Variants in PUDP observed in about 807,000 individuals in gnomAD.
PUDP encodes pseudouridine 5'-phosphatase.
Under a neutral mutation model 9.4 loss-of-function variants are expected in PUDP, and 8 were observed. The observed-to-expected ratio is 0.85, with a 90% CI of 0.50 to 1.53. The LOEUF (loss-of-function observed/expected upper bound fraction) is 1.53. Ranked by LOEUF, PUDP falls within the 40% of genes most tolerant of loss-of-function variation. PUDP has a pLI of 0.00. For synonymous variants in PUDP, 99 were observed against 80.7 expected (o/e 1.23, Z -1.22); for missense variants, 188 against 189.7 (o/e 0.99, Z 0.05).
intron 1 of PUDP, among the ~76,000 whole-genome samples, chrX:6,989,016 T>A: frequency 8.9e-6 from 1 of 111,967 alleles, no homozygotes; most frequent in Non-Finnish European, 1.9e-5. Context: ...TAACTCTTAG[T>A]TAACACTTTC....
chrX:6,843,277 C>T (rs967359602), intron 3 of PUDP, among the ~76,000 whole-genome samples: 1 of 111,646 alleles, frequency 9.0e-6, no homozygotes, highest in Non-Finnish European at 1.9e-5. Flanking sequence ...AGACATAATT[C>T]TGCGTCTCCT....
At chrX:7,087,757 C>G (rs1374427379) in intron 2 of PUDP, among the ~76,000 whole-genome samples, 1 of 112,126 alleles carries the variant, frequency 8.9e-6, no homozygotes, top group East Asian at 2.8e-4. Context: ...CAAACAGTTG[C>G]AAGAGTCCAG....
At position 7,022,912 on chromosome X, in the gene PUDP, G is replaced by GT. The variant is rs1306410544; in HGVS notation, c.205-44570dup. On this transcript the variant is annotated intron_variant and NMD_transcript_variant, in intron 1 of 3. Coordinates refer to the PUDP transcript ENST00000655425. ...CCCTGAGAGCCAGGAAACTAACAAG[G>GT]TGAACACCATGTTTGACACAGCTGA... 2.7e-5 allele frequency among the ~76,000 whole-genome samples: 3 copies of GT among 111,601 alleles called. No individual in the cohort carries two copies. The East Asian group carries it at 8.4e-4, about 31-fold the overall frequency.
intron 1 of PUDP, among the ~76,000 whole-genome samples, chrX:7,115,454 G>T (rs886478970): frequency 8.9e-6 from 1 of 112,143 alleles, no homozygotes; most frequent in Non-Finnish European, 1.9e-5. Flanking sequence ...CTTTATGAAA[G>T]ATATTGGAAA....
chrX:6,717,076 A>C (rs1378037227), intron 1 of PUDP, among the ~76,000 whole-genome samples: 1 of 111,701 alleles, frequency 9.0e-6, no homozygotes, highest in East Asian at 2.8e-4. Flanking sequence ...GCCAGAATAT[A>C]TTAAATCTTA....
chrX:7,114,064 CTTTT>C (rs869134031), intron 1 of PUDP, among the ~76,000 whole-genome samples: 6 of 56,786 alleles, frequency 1.1e-4, no homozygotes, highest in East Asian at 4.9e-4. Context: ...CTCTCTCTCT[CTTTT>C]TCTTTTTTTC....
intron 3 of PUDP, among the ~76,000 whole-genome samples, chrX:6,778,105 G>A (rs988530797): frequency 2.7e-5 from 3 of 111,981 alleles, no homozygotes; most frequent in East Asian, 2.8e-4. Flanking sequence ...GTTTTAATGA[G>A]GGAAAATGAG....
At chrX:7,046,844 T>C (rs1929988983), downstream of PUDP, among the ~76,000 whole-genome samples, 2 of 112,264 alleles carry the variant, frequency 1.8e-5, no homozygotes. Context: ...ATACATTTTG[T>C]CCCCTAGAGA....
At chrX:6,710,010 C>A (rs1602595496) in intron 1 of PUDP, among the ~76,000 whole-genome samples, 1 of 111,406 alleles carries the variant, frequency 9.0e-6, no homozygotes, top group Non-Finnish European at 1.9e-5. Flanking sequence ...GTAATCTCAG[C>A]TACTCACAAG....
upstream of PUDP, among the ~76,000 whole-genome samples, chrX:6,723,394 C>T (rs1211796184): frequency 2.5e-5 from 2 of 79,034 alleles, no homozygotes; most frequent in African/African-American, 1.0e-4. Flanking sequence ...ATGACCGTGT[C>T]ACTGCAGTCC....
chrX:6,752,167 C>A (rs1253306159), intron 3 of PUDP, among the ~76,000 whole-genome samples: 1 of 111,878 alleles, frequency 8.9e-6, no homozygotes, highest in Non-Finnish European at 1.9e-5. Context: ...ACTTCAAATT[C>A]TCTCTCCTTT....
At chrX:6,989,415 G>A (rs752735381) in intron 1 of PUDP, 10 of 154,337 alleles carry the variant, frequency 6.5e-5, no homozygotes, top group Admixed American at 4.6e-4. Flanking sequence ...CCAAGACCCA[G>A]GATAAGGAAG....
chrX:7,075,673 G>A (rs1930874976), intron 3 of PUDP, among the ~76,000 whole-genome samples: 1 of 111,422 alleles, frequency 9.0e-6, no homozygotes, highest in African/African-American at 3.3e-5. Context: ...GGGGCCTGGG[G>A]AGCTTTGAGT....
chrX:7,054,033 C>T (rs966204786), intron 3 of PUDP, among the ~76,000 whole-genome samples: 3 of 112,097 alleles, frequency 2.7e-5, no homozygotes, highest in Non-Finnish European at 1.9e-5. Context: ...AGACAAATGT[C>T]GTACATAAAG....
intron 1 of PUDP, among the ~76,000 whole-genome samples, chrX:7,114,951 T>C (rs1932155506): frequency 8.9e-6 from 1 of 112,389 alleles, no homozygotes; most frequent in Non-Finnish European, 1.9e-5. Context: ...ATCAGACTTA[T>C]GTTAATGTGT....
intron 3 of PUDP, among the ~76,000 whole-genome samples, chrX:7,055,371 C>T (rs984589615): frequency 9.0e-6 from 1 of 111,182 alleles, no homozygotes; most frequent in Non-Finnish European, 1.9e-5. Context: ...CCTGCCTCAG[C>T]CTCTCGAGTA....
chrX:6,980,677 A>AC (rs953626956), intron 1 of PUDP, among the ~76,000 whole-genome samples: 3 of 111,014 alleles, frequency 2.7e-5, no homozygotes, highest in Non-Finnish European at 5.7e-5. Context: ...AAAAAAAAAA[A>AC]AACAACAAGA....
chrX:6,884,667 C>T (rs139456379), intron 3 of PUDP, among the ~76,000 whole-genome samples: 4 of 111,933 alleles, frequency 3.6e-5, no homozygotes, highest in South Asian at 3.8e-4. Flanking sequence ...CAACCGAAAG[C>T]GCTAAGCCCA....
chrX:6,761,157 G>T (rs768636023), intron 3 of PUDP, among the ~76,000 whole-genome samples: 48 of 111,988 alleles, frequency 4.3e-4, no homozygotes, highest in African/African-American at 1.5e-3. Context: ...TGCCTAGGAC[G>T]GCACATGGTA....
Sources: gnomAD v4.1 joint callset for allele counts (sites outside exome capture counted in the v4.1 genomes callset) on GRCh38, gnomAD v4.1.1 for gene constraint, MANE v1.5 for transcripts, NCBI Gene and HGNC (gene_info 2026-07-23, HGNC 2026-07-21) for gene names.